Variants in FGF12 observed in about 807,000 individuals in gnomAD.
FGF12 encodes fibroblast growth factor 12B.
In FGF12, 14 loss-of-function variants were observed where a neutral mutation model predicts 23.6. The observed-to-expected ratio is 0.59, with a 90% confidence interval of 0.39 to 0.93. The LOEUF (loss-of-function observed/expected upper bound fraction) is 0.93, where lower values mean the gene tolerates loss of function less well. Among genes scored for constraint, FGF12 ranks in the 40% least tolerant of loss-of-function variants. The probability of loss-of-function intolerance (pLI) is 0.00; values close to 1 mark genes in which losing one functional copy is unlikely to be tolerated. For synonymous variants in FGF12, 62 were observed against 77.3 expected, an observed-to-expected ratio of 0.80 and a Z score of 1.04; for missense variants, 175 against 217.8, an observed-to-expected ratio of 0.80 and a Z score of 1.24.
rs1260103906 is a variant in FGF12 at position 192,409,728 on chromosome 3, C to A, written c.14-49190G>T. 6.6e-6 allele frequency among the ~76,000 whole-genome samples: 1 copy of A among 152,094 alleles called. No individual in the cohort carries two copies. Among genetic ancestry groups the A allele is most frequent in the Non-Finnish European group, 1.5e-5 (1 of 67,960 alleles). ...CATGGTCTGGCGCCAGGGGCGCAGG[C>A]GGGGCCCCTAGGCCTCCTGGGGCTA... On this transcript the variant is annotated intron_variant, in intron 2 of 5. Coordinates refer to ENST00000445105, the MANE Select transcript of FGF12 (RefSeq NM_004113.6). This position sits in a 1 kb window ranked among gnomAD's most constrained non-coding sequence, Gnocchi z 4.8.
At chr3:192,168,961 C>CAAAG (rs1715385013) in intron 5 of FGF12, among the ~76,000 whole-genome samples, 1 of 151,810 alleles carries the variant, frequency 6.6e-6, no homozygotes, top group South Asian at 2.1e-4. Flanking sequence ...TATTTTTTTC[C>CAAAG]AAAGACTAAT....
At chr3:192,420,662 G>C (rs1042096550) in intron 2 of FGF12, among the ~76,000 whole-genome samples, 3 of 152,170 alleles carry the variant, frequency 2.0e-5, no homozygotes, top group African/African-American at 7.2e-5. Context: ...TCTGCTGTGA[G>C]TGAAAGCTTC....
chr3:192,460,909 C>T (rs1722844267), intron 2 of FGF12, among the ~76,000 whole-genome samples: 1 of 152,054 alleles, frequency 6.6e-6, no homozygotes, highest in South Asian at 2.1e-4. Context: ...TATGTATTTC[C>T]TGCCATACGG....
intron 4 of FGF12, among the ~76,000 whole-genome samples, chr3:192,205,635 G>T (rs1382494443): frequency 6.6e-6 from 1 of 152,190 alleles, no homozygotes; most frequent in Non-Finnish European, 1.5e-5. Context: ...AGTAGGGAGT[G>T]CTTAAGAAGT....
intron 2 of FGF12, among the ~76,000 whole-genome samples, chr3:192,701,115 C>T (rs1474425263): frequency 6.6e-6 from 1 of 152,044 alleles, no homozygotes; most frequent in African/African-American, 2.4e-5. Context: ...ATGATAAAAC[C>T]CCTTGGTTTC....
intron 4 of FGF12, among the ~76,000 whole-genome samples, chr3:192,190,468 C>CTTTTTTTTTTTTTTT (rs34108891): frequency 1.1e-5 from 1 of 89,104 alleles, no homozygotes; most frequent in African/African-American, 4.4e-5. Flanking sequence ...GCCCAATACT[C>CTTTTTTTTTTTTTTT]TTTTTTTTTT....
At chr3:192,571,946 T>G (rs1483356198) in intron 2 of FGF12, among the ~76,000 whole-genome samples, 2 of 151,174 alleles carry the variant, frequency 1.3e-5, no homozygotes, top group African/African-American at 2.5e-5. Flanking sequence ...ATTGCTGTTT[T>G]TTTTTTTTTT....
intron 4 of FGF12, among the ~76,000 whole-genome samples, chr3:192,235,576 C>T (rs1488449062): frequency 6.6e-6 from 1 of 152,116 alleles, no homozygotes; most frequent in Non-Finnish European, 1.5e-5. Context: ...CTTGCCTCAG[C>T]CTCCCAAAGT....
chr3:192,687,708 C>T (rs996799323), intron 2 of FGF12, among the ~76,000 whole-genome samples: 1 of 152,130 alleles, frequency 6.6e-6, no homozygotes, highest in Non-Finnish European at 1.5e-5. Context: ...CAGCTCCTGC[C>T]TCCACCACTA....
In FGF12 at chr3:192,512,835, A is replaced by AAT. The variant is rs773570110; in HGVS notation, c.14-152299_14-152298dup. Reference sequence around the variant, plus strand: ...GTTAAACCTAGAGTATACTCAAATAAATATATATATATATATATATATATA... The same window carrying AAT: ...GTTAAACCTAGAGTATACTCAAATAAATATATATATATATATATATATATATA... On this transcript the variant is annotated intron_variant, in intron 2 of 5. Transcript: ENST00000445105. Among the ~76,000 whole-genome samples the AAT allele has an allele frequency of 4.4e-3, 336 of 76,746 alleles. 17 individuals carry two copies. The highest frequency in any genetic ancestry group is 0.015 in the East Asian group (51 of 3,472). The allele number at this position is 76,746 out of a possible 152,430, so 50.3% of individuals were successfully genotyped here. A position where few individuals can be genotyped will look rare whatever the true frequency, so the allele number is the denominator to read the frequency against.
intron 2 of FGF12, among the ~76,000 whole-genome samples, chr3:192,529,499 C>A (rs1725035031): frequency 6.6e-6 from 1 of 152,218 alleles, no homozygotes; most frequent in African/African-American, 2.4e-5. Context: ...GTTCCAATCT[C>A]TGCCTGTTAC....
At chr3:192,388,356 C>A (rs1363409859) in intron 2 of FGF12, among the ~76,000 whole-genome samples, 1 of 152,142 alleles carries the variant, frequency 6.6e-6, no homozygotes, top group Non-Finnish European at 1.5e-5. Context: ...GTAATATCAG[C>A]TACAGTAAAT....
chr3:192,167,978 G>T (rs1374195527), intron 5 of FGF12, among the ~76,000 whole-genome samples: 2 of 151,110 alleles, frequency 1.3e-5, no homozygotes, highest in African/African-American at 4.9e-5. Context: ...TGTTGGTCAG[G>T]CTGATCTCAA....
intron 2 of FGF12, among the ~76,000 whole-genome samples, chr3:192,545,944 AT>A (rs1725484467): frequency 6.6e-6 from 1 of 152,248 alleles, no homozygotes; most frequent in African/African-American, 2.4e-5. Flanking sequence ...GATTAAAGGC[AT>A]AAGGATCTCT....
intron 2 of FGF12, chr3:192,515,216 G>A (rs975887787): frequency 1.3e-5 from 2 of 152,372 alleles, no homozygotes; most frequent in East Asian, 1.9e-4. Context: ...AGAGGGCTGC[G>A]CGGCTTCCAG....
intron 4 of FGF12, among the ~76,000 whole-genome samples, chr3:192,235,973 T>G (rs1719273541): frequency 6.6e-6 from 1 of 152,206 alleles, no homozygotes; most frequent in African/African-American, 2.4e-5. Context: ...CAGATCTTTC[T>G]AACTGCTTGA....
chr3:192,303,260 G>A (rs996233737), intron 4 of FGF12, among the ~76,000 whole-genome samples: 1 of 152,162 alleles, frequency 6.6e-6, no homozygotes, highest in Non-Finnish European at 1.5e-5. Flanking sequence ...GCAATGAAAT[G>A]CATCAACATC....
chr3:192,646,170 A>G (rs1269497491), intron 2 of FGF12, among the ~76,000 whole-genome samples: 1 of 152,160 alleles, frequency 6.6e-6, no homozygotes, highest in East Asian at 1.9e-4. Flanking sequence ...GTTAGTTCAA[A>G]GAGATCTACT....
At chr3:192,661,270 C>A (rs1232482160) in intron 2 of FGF12, among the ~76,000 whole-genome samples, 1 of 152,202 alleles carries the variant, frequency 6.6e-6, no homozygotes, top group African/African-American at 2.4e-5. Context: ...GCCTGCAATT[C>A]CAGCACTTTG....
Sources: allele counts gnomAD v4.1 joint callset (sites outside exome capture counted in the v4.1 genomes callset), GRCh38; gene constraint gnomAD v4.1.1; non-coding constraint Gnocchi (gnomAD v3.1); transcripts MANE v1.5; gene names NCBI Gene and HGNC (gene_info 2026-07-23, HGNC 2026-07-21).